LHX8: variants seen among roughly 807,000 people sequenced by gnomAD.
LHX8 encodes LIM/homeobox protein Lhx8.
LHX8 carries 12 observed loss-of-function variants against 40.3 expected under a neutral mutation model. The observed-to-expected ratio is 0.30, with a 90% CI of 0.19 to 0.48. LHX8 has a LOEUF of 0.48. LHX8 is among the 20% of genes least tolerant of loss of function. LHX8 has a pLI of 0.99. For synonymous variants in LHX8, 179 were observed against 162.0 expected (o/e 1.10, Z -0.80); for missense variants, 344 against 433.7 (o/e 0.79, Z 1.84).
At chr1:75,143,993 CA>C (rs769514236) in intron 6 of LHX8, 45 bp downstream of exon 6, 2 of 1,467,364 alleles carry the variant, frequency 1.4e-6, no homozygotes, top group South Asian at 1.2e-5. Flanking sequence ...CCCTCCCAAC[CA>C]AAAAAACAAA....
At chr1:75,166,628 T>C in the LHX8 span, among the ~76,000 whole-genome samples, 1 of 152,218 alleles carries the variant, frequency 6.6e-6, no homozygotes, top group Non-Finnish European at 1.5e-5. Flanking sequence ...TGGTTGAAAC[T>C]CCTCCAAGCG....
At chr1:75,177,384 C>T in the LHX8 span, among the ~76,000 whole-genome samples, 1 of 152,098 alleles carries the variant, frequency 6.6e-6, no homozygotes, top group Non-Finnish European at 1.5e-5. Flanking sequence ...TGAAGAGGTC[C>T]TTCACATCCC....
downstream of LHX8, among the ~76,000 whole-genome samples, chr1:75,164,852 A>C (rs1452247360): frequency 1.3e-5 from 2 of 151,498 alleles, no homozygotes; most frequent in African/African-American, 4.9e-5. Context: ...TTTTTTGTAG[A>C]GACTAGGTCT....
upstream of LHX8, chr1:75,130,755 T>A: frequency 6.2e-7 from 1 of 1,612,324 alleles, no homozygotes; most frequent in South Asian, 1.1e-5. Flanking sequence ...AAAGAACCTC[T>A]AGAAGCAATC....
At chr1:75,167,322 C>G in the LHX8 span, among the ~76,000 whole-genome samples, 7 of 152,188 alleles carry the variant, frequency 4.6e-5, no homozygotes, top group South Asian at 1.5e-3. Flanking sequence ...TTATTGTGAC[C>G]CTGTGATAAG....
chr1:75,166,921 C>T, the LHX8 span, among the ~76,000 whole-genome samples: 3 of 152,142 alleles, frequency 2.0e-5, no homozygotes, highest in Non-Finnish European at 4.4e-5. Flanking sequence ...TTCATGGGCT[C>T]AGAGGAGCAT....
chr1:75,137,324 A>G, intron 3 of LHX8, 63 bp downstream of exon 3: 1 of 1,511,742 alleles, frequency 6.6e-7, no homozygotes, highest in Non-Finnish European at 9.2e-7. Flanking sequence ...GCTCTGGGAA[A>G]AGAGTAATGT....
downstream of LHX8, among the ~76,000 whole-genome samples, chr1:75,164,015 A>G (rs1391893897): frequency 6.6e-6 from 1 of 152,222 alleles, no homozygotes. Context: ...ACTGTGACCA[A>G]TACATTTCTG....
chr1:75,176,544 G>T, the LHX8 span, among the ~76,000 whole-genome samples: 2 of 151,844 alleles, frequency 1.3e-5, no homozygotes, highest in Non-Finnish European at 2.9e-5. Context: ...TGTAAATTTG[G>T]GTAAGTTCTT....
the LHX8 span, among the ~76,000 whole-genome samples, chr1:75,194,182 G>T: frequency 6.6e-6 from 1 of 152,098 alleles, no homozygotes. Context: ...CCAACTTTTG[G>T]GGCATACCTC....
At chr1:75,171,959 T>C in the LHX8 span, among the ~76,000 whole-genome samples, 1 of 152,150 alleles carries the variant, frequency 6.6e-6, no homozygotes, top group African/African-American at 2.4e-5. Context: ...GGTGTTTGTG[T>C]AGGGCGAGAA....
In LHX8 at chr1:75,160,857, C is replaced by T. The variant is rs751732544; in HGVS notation, c.1003C>T (p.Pro335Ser). The T allele has an allele frequency of 6.2e-7, 1 of 1,613,110 alleles. No individual in the cohort carries two copies. The highest frequency in any genetic ancestry group is 1.3e-5 in the African/African-American group (1 of 74,980). The change falls in exon 9 of 9, where the codon CCC becomes TCC. Residue 335 changes from proline to serine, a missense_variant. By Grantham distance (74) the Pro-to-Ser change is moderately conservative (BLOSUM62 -1). Coordinates refer to ENST00000356261, the MANE Select transcript of LHX8 (RefSeq NM_001256114.2). ...AACTCTTGGACTCCAGCCCTTGTTA[C>T]CCCATTCAATGACACAACTGCCAAT... ...PTTLGLQPLL[P>S]HSMTQLPISH...
At chr1:75,195,674 A>C in the LHX8 span, among the ~76,000 whole-genome samples, 2 of 152,016 alleles carry the variant, frequency 1.3e-5, no homozygotes, top group African/African-American at 4.8e-5. Context: ...TCGGTCACTC[A>C]TCAACAATTG....
chr1:75,147,763 TCA>T (rs1442729373), intron 6 of LHX8, among the ~76,000 whole-genome samples: 1 of 152,226 alleles, frequency 6.6e-6, no homozygotes, highest in Non-Finnish European at 1.5e-5. Flanking sequence ...CACTTAATTC[TCA>T]TAATGATTCT....
chr1:75,147,379 A>G (rs1027493889), intron 6 of LHX8, among the ~76,000 whole-genome samples: 22 of 152,308 alleles, frequency 1.4e-4, no homozygotes, highest in African/African-American at 4.8e-4. Context: ...ATACTCTCTG[A>G]CAGAAAGGGA....
chr1:75,171,025 C>G, the LHX8 span, among the ~76,000 whole-genome samples: 584 of 152,206 alleles, frequency 3.8e-3, 6 homozygotes, highest in Non-Finnish European at 3.4e-3. Context: ...GAACTCAGGT[C>G]TTTAATTTCT....
chr1:75,165,852 A>G (rs1047454020), downstream of LHX8, among the ~76,000 whole-genome samples: 1 of 152,180 alleles, frequency 6.6e-6, no homozygotes, highest in African/African-American at 2.4e-5. Flanking sequence ...GTGGCAATTT[A>G]TATTCTTTTT....
chr1:75,180,248 C>A, the LHX8 span, among the ~76,000 whole-genome samples: 1 of 152,108 alleles, frequency 6.6e-6, no homozygotes, highest in South Asian at 2.1e-4. Context: ...CCTTGCTAGA[C>A]TGGGGAAGTT....
At chr1:75,153,721 T>G (rs1337135009) in intron 7 of LHX8, among the ~76,000 whole-genome samples, 1 of 152,224 alleles carries the variant, frequency 6.6e-6, no homozygotes, top group Non-Finnish European at 1.5e-5. Context: ...GTTTTGGCCT[T>G]TCTTATGCTT....
Sources: allele counts gnomAD v4.1 joint callset (sites outside exome capture counted in the v4.1 genomes callset), GRCh38; gene constraint gnomAD v4.1.1; transcripts MANE v1.5; gene names NCBI Gene and HGNC (gene_info 2026-07-23, HGNC 2026-07-21).